The following DAB1 variants were observed in gnomAD, a reference collection of about 807,000 sequenced individuals.
DAB1 encodes the protein disabled homolog 1.
DAB1 carries 15 observed loss-of-function variants against 64.6 expected under a neutral mutation model. That is an observed-to-expected ratio of 0.23 (90% CI 0.16 to 0.36). The LOEUF (loss-of-function observed/expected upper bound fraction) is 0.36. Among genes scored for constraint, DAB1 ranks in the 10% least tolerant of loss-of-function variants. The pLI is 1.00. For synonymous variants in DAB1, 235 were observed against 251.9 expected (o/e 0.93, Z 0.64); for missense variants, 596 against 706.7 (o/e 0.84, Z 1.78).
rs576962451 is a variant in DAB1 at position 56,995,166 on chromosome 1, T to C, written c.*2978A>G. The C allele has an allele frequency of 1.3e-5, 2 of 152,212 alleles. No homozygotes were observed. The highest frequency in any genetic ancestry group is 2.9e-5 in the Non-Finnish European group (2 of 68,052). 9.4% of individuals were successfully genotyped at this position (152,212 alleles called of 1,614,324 possible). On this transcript the variant is annotated 3_prime_UTR_variant, in exon 15 of 15. Coordinates refer to ENST00000371236, the MANE Select transcript of DAB1 (RefSeq NM_001365792.1). Reference sequence around the variant, plus strand: ...GTAAAGATTGAAGAGCTATGGAGAATGGGGACAGAATGACAGGTGGTGTTT... The same window carrying C: ...GTAAAGATTGAAGAGCTATGGAGAACGGGGACAGAATGACAGGTGGTGTTT...
intron 5 of DAB1, among the ~76,000 whole-genome samples, chr1:58,119,560 A>G (rs955980925): frequency 6.6e-6 from 1 of 152,148 alleles, no homozygotes; most frequent in Non-Finnish European, 1.5e-5. Flanking sequence ...TTACATTTTT[A>G]TAACAGGCTA....
intron 7 of DAB1, among the ~76,000 whole-genome samples, chr1:57,541,362 C>G (rs369624801): frequency 1.8e-3 from 276 of 152,260 alleles, no homozygotes; most frequent in African/African-American, 6.3e-3. Flanking sequence ...ATCCCCTGAC[C>G]TTGTGATCTG....
chr1:58,390,299 G>A (rs1229774783), intron 3 of DAB1, among the ~76,000 whole-genome samples: 2 of 152,084 alleles, frequency 1.3e-5, no homozygotes, highest in Non-Finnish European at 2.9e-5. Context: ...GCTAGCCAAG[G>A]CCTCTCAGGG....
intron 5 of DAB1, among the ~76,000 whole-genome samples, chr1:58,015,383 C>A (rs1053740213): frequency 1.3e-5 from 2 of 152,150 alleles, no homozygotes; most frequent in East Asian, 1.9e-4. Context: ...TCCCCCTCCC[C>A]CTAAACATGA....
intron 5 of DAB1, among the ~76,000 whole-genome samples, chr1:57,953,590 A>G (rs1257163394): frequency 1.3e-5 from 2 of 152,150 alleles, no homozygotes; most frequent in African/African-American, 4.8e-5. Flanking sequence ...CTTGTGCTGG[A>G]CATCCTCCGT....
At chr1:57,205,936 C>T (rs1472636199) in intron 2 of DAB1, among the ~76,000 whole-genome samples, 1 of 152,170 alleles carries the variant, frequency 6.6e-6, no homozygotes, top group East Asian at 1.9e-4. Context: ...TCTTCTCTTT[C>T]TCTCTCTCTT....
chr1:57,897,428 T>C (rs1306033071), intron 5 of DAB1, among the ~76,000 whole-genome samples: 1 of 152,196 alleles, frequency 6.6e-6, no homozygotes, highest in Non-Finnish European at 1.5e-5. Context: ...AAATCCCATA[T>C]TGATTTTTCT....
chr1:57,124,358 G>T (rs1315915864), intron 4 of DAB1, among the ~76,000 whole-genome samples: 1 of 152,140 alleles, frequency 6.6e-6, no homozygotes, highest in East Asian at 1.9e-4. Flanking sequence ...ATATCATACA[G>T]CACAGTCAGA....
At chr1:58,500,848 C>T (rs1443043469) in intron 3 of DAB1, among the ~76,000 whole-genome samples, 1 of 152,118 alleles carries the variant, frequency 6.6e-6, no homozygotes, top group Non-Finnish European at 1.5e-5. Context: ...TAAAATAAAT[C>T]TTTGAAGCAG....
chr1:57,014,849 A>G (rs901448437), intron 12 of DAB1, 34 bp downstream of exon 12: 4 of 1,506,590 alleles, frequency 2.7e-6, no homozygotes, highest in Middle Eastern at 1.8e-4. Flanking sequence ...TACGGCTCTC[A>G]TTGGGTTTTA....
At chr1:57,515,358 G>C (rs539407697) in intron 7 of DAB1, among the ~76,000 whole-genome samples, 10 of 152,314 alleles carry the variant, frequency 6.6e-5, no homozygotes, top group African/African-American at 2.2e-4. Flanking sequence ...AGCTTTATTA[G>C]CTTATTACCA....
intron 4 of DAB1, among the ~76,000 whole-genome samples, chr1:57,108,657 C>T (rs889897894): frequency 2.0e-5 from 3 of 152,116 alleles, no homozygotes; most frequent in African/African-American, 7.2e-5. Flanking sequence ...ATATGAACTC[C>T]CTAAGTCCAG....
At chr1:57,538,857 C>T (rs184723700) in intron 7 of DAB1, among the ~76,000 whole-genome samples, 10 of 152,202 alleles carry the variant, frequency 6.6e-5, no homozygotes, top group Admixed American at 3.3e-4. Flanking sequence ...ACTCACCCCC[C>T]CTACAACTCT....
intron 7 of DAB1, among the ~76,000 whole-genome samples, chr1:57,447,025 A>T (rs981214669): frequency 6.6e-6 from 1 of 152,240 alleles, no homozygotes; most frequent in Non-Finnish European, 1.5e-5. Flanking sequence ...AACTTTCCCA[A>T]GCACCTTCCA....
Position 57,560,179 on chromosome 1 carries a change from A to AAT in DAB1, n.625+89411_625+89412dup, listed in dbSNP as rs549070855. ...TCTGCCTTCAGCTGGCAAGGCCAGCAATATACCTCTACTGTCCAACCTCAG... is the reference window on the plus strand; with the variant it reads ...TCTGCCTTCAGCTGGCAAGGCCAGCAATATATACCTCTACTGTCCAACCTCAG... On this transcript the variant is annotated intron_variant and non_coding_transcript_variant, in intron 7 of 20. Transcript: ENST00000485760. 2.7e-3 allele frequency among the ~76,000 whole-genome samples: 408 copies of AAT among 152,368 alleles called. 1 individual carries two copies. The highest frequency in any genetic ancestry group is 9.3e-3 in the African/African-American group (385 of 41,594).
At chr1:57,887,473 G>T (rs534703676), upstream of DAB1, among the ~76,000 whole-genome samples, 1 of 152,160 alleles carries the variant, frequency 6.6e-6, no homozygotes, top group Non-Finnish European at 1.5e-5. Flanking sequence ...CCTTCAATCT[G>T]CCAGTCAACG....
intron 7 of DAB1, among the ~76,000 whole-genome samples, chr1:57,585,001 C>T (rs1036650391): frequency 2.0e-5 from 3 of 152,140 alleles, no homozygotes; most frequent in Non-Finnish European, 4.4e-5. Context: ...CCTGTAATCC[C>T]AACACTTGGG....
At chr1:57,238,870 C>CACAT in intron 2 of DAB1, among the ~76,000 whole-genome samples, 1 of 151,322 alleles carries the variant, frequency 6.6e-6, no homozygotes, top group Non-Finnish European at 1.5e-5. Context: ...TACACACACA[C>CACAT]ACACACACAC....
At chr1:57,816,810 A>C (rs1651875494) in intron 6 of DAB1, among the ~76,000 whole-genome samples, 2 of 152,192 alleles carry the variant, frequency 1.3e-5, no homozygotes. Flanking sequence ...CAATGTTGAC[A>C]CAAATATGTT....
Sources: gnomAD v4.1 joint callset for allele counts (sites outside exome capture counted in the v4.1 genomes callset) on GRCh38, gnomAD v4.1.1 for gene constraint, MANE v1.5 for transcripts, NCBI Gene and HGNC (gene_info 2026-07-23, HGNC 2026-07-21) for gene names.